Variants in NRG1 observed in about 807,000 individuals in gnomAD.
The protein encoded by NRG1 is neuregulin 1.
A neutral mutation model predicts 63.8 loss-of-function variants in NRG1; 18 were observed. The ratio of observed to expected loss-of-function variants is 0.28; its 90% CI spans 0.19 to 0.42. The LOEUF (loss-of-function observed/expected upper bound fraction) is 0.42. Among genes scored for constraint, NRG1 ranks in the 10% least tolerant of loss-of-function variants. NRG1 has a pLI of 1.00. For missense variants in NRG1, 762 were observed against 814.7 expected (o/e 0.94, Z 0.79); for synonymous variants, 302 against 301.3 (o/e 1.00, Z -0.02).
chr8:31,973,175 A>G (rs945761981), intron 1 of NRG1, among the ~76,000 whole-genome samples: 3 of 152,220 alleles, frequency 2.0e-5, no homozygotes, highest in Admixed American at 6.5e-5. Flanking sequence ...GCTTAAAAAT[A>G]TATACACACT....
chr8:32,063,059 A>G (rs1824151715), intron 1 of NRG1: 1 of 152,144 alleles, frequency 6.6e-6, no homozygotes. Context: ...AAAGATGTAA[A>G]TGTTCCTTAA....
chr8:32,216,737 T>G (rs890563885), intron 1 of NRG1, among the ~76,000 whole-genome samples: 6 of 151,116 alleles, frequency 4.0e-5, no homozygotes. Flanking sequence ...GATGACATTA[T>G]TGTGATATAT....
At chr8:31,893,093 G>A (rs1329462959) in intron 1 of NRG1, among the ~76,000 whole-genome samples, 1 of 151,264 alleles carries the variant, frequency 6.6e-6, no homozygotes, top group Non-Finnish European at 1.5e-5. Flanking sequence ...CTACGTATGA[G>A]AGTGTATGTA....
At chr8:32,057,932 G>A (rs1350985755) in intron 1 of NRG1, among the ~76,000 whole-genome samples, 3 of 152,056 alleles carry the variant, frequency 2.0e-5, no homozygotes, top group Non-Finnish European at 4.4e-5. Context: ...TGATAGATGA[G>A]TAGGGTGACT....
chr8:32,457,705 G>C (rs1587760418), intron 1 of NRG1, among the ~76,000 whole-genome samples: 1 of 152,200 alleles, frequency 6.6e-6, no homozygotes. Context: ...AAAGTAAGAG[G>C]CTTCATTAAA....
chr8:32,640,972 A>G (rs138125999), intron 5 of NRG1, among the ~76,000 whole-genome samples: 228 of 151,574 alleles, frequency 1.5e-3, no homozygotes, highest in African/African-American at 5.3e-3. Context: ...CAAAATAATA[A>G]TAATAATAGT....
intron 4 of NRG1, among the ~76,000 whole-genome samples, chr8:32,615,685 A>T (rs1847227753): frequency 6.6e-6 from 1 of 152,026 alleles, no homozygotes; most frequent in Non-Finnish European, 1.5e-5. Context: ...TTCCCTTCAA[A>T]GCCATTTTTT....
At chr8:31,986,159 T>C (rs750939727) in intron 1 of NRG1, among the ~76,000 whole-genome samples, 8 of 152,102 alleles carry the variant, frequency 5.3e-5, no homozygotes, top group Non-Finnish European at 2.9e-5. Context: ...CCCCTCATAA[T>C]ATGCATTCCA....
intron 1 of NRG1, among the ~76,000 whole-genome samples, chr8:32,401,719 C>T (rs62500162): frequency 0.24 from 36,955 of 151,912 alleles, 4,901 homozygotes; most frequent in Middle Eastern, 0.35. Context: ...GAACAACAGA[C>T]ACTGGGGTCT....
intron 1 of NRG1, among the ~76,000 whole-genome samples, chr8:32,312,204 C>T (rs554145675): frequency 7.8e-6 from 1 of 127,700 alleles, no homozygotes; most frequent in South Asian, 2.7e-4. Context: ...CTCACTGTCT[C>T]CCAGACTGGA....
chr8:32,766,101 G>T (rs143714085), exon 12 of NRG1: 2 of 151,948 alleles, frequency 1.3e-5, no homozygotes, highest in South Asian at 4.2e-4. Flanking sequence ...TCTTTTTTGC[G>T]GGTGAACTGA....
rs1406512941 is a variant in NRG1 at position 31,843,192 on chromosome 8, C to T, written c.37+203761C>T. On this transcript the variant is annotated intron_variant, in intron 1 of 10. Coordinates refer to the NRG1 transcript ENST00000519301. ...CATCTGTCCCATTAATTTTCATATA[C>T]GAGAACAATGTGGCATGATTACTCA... Among the ~76,000 whole-genome samples the T allele has an allele frequency of 4.6e-5, 7 of 152,078 alleles. No individual in the cohort carries two copies. In the East Asian group the frequency reaches 9.7e-4, roughly 21 times the overall value.
At chr8:32,383,578 C>T (rs1357368566) in intron 1 of NRG1, among the ~76,000 whole-genome samples, 1 of 152,168 alleles carries the variant, frequency 6.6e-6, no homozygotes, top group Non-Finnish European at 1.5e-5. Flanking sequence ...CCCCTGAGCT[C>T]CCACCCTTTT....
At chr8:32,452,185 A>G (rs941618678) in intron 1 of NRG1, among the ~76,000 whole-genome samples, 5 of 152,186 alleles carry the variant, frequency 3.3e-5, no homozygotes, top group Admixed American at 6.5e-5. Context: ...ACTGTCAACT[A>G]CAATGATAAT....
intron 5 of NRG1, among the ~76,000 whole-genome samples, chr8:32,676,304 A>C (rs1343535159): frequency 3.9e-5 from 6 of 152,190 alleles, no homozygotes; most frequent in Non-Finnish European, 8.8e-5. Flanking sequence ...ATGGACCACA[A>C]CAGGTGGCCA....
chr8:32,315,248 CT>C (rs1857252332), intron 1 of NRG1, among the ~76,000 whole-genome samples: 2 of 152,154 alleles, frequency 1.3e-5, no homozygotes, highest in South Asian at 4.1e-4. Flanking sequence ...GCCCACCCCC[CT>C]GACAGGTCCT....
At chr8:32,546,817 T>A (rs1252332790), upstream of NRG1, among the ~76,000 whole-genome samples, 1 of 152,144 alleles carries the variant, frequency 6.6e-6, no homozygotes, top group East Asian at 1.9e-4. Context: ...TAGAATAAAA[T>A]TAGTGTGATT....
At chr8:31,859,608 G>T (rs1304675447) in intron 1 of NRG1, among the ~76,000 whole-genome samples, 1 of 152,150 alleles carries the variant, frequency 6.6e-6, no homozygotes, top group Non-Finnish European at 1.5e-5. Context: ...AACTATTGAA[G>T]AATAAAACAG....
At chr8:31,979,114 G>A (rs934515294) in intron 1 of NRG1, among the ~76,000 whole-genome samples, 1 of 152,128 alleles carries the variant, frequency 6.6e-6, no homozygotes, top group Non-Finnish European at 1.5e-5. Context: ...TCCACCTGGG[G>A]TGTCTGCTGA....
Sources: gnomAD v4.1 joint callset for allele counts (sites outside exome capture counted in the v4.1 genomes callset) on GRCh38, gnomAD v4.1.1 for gene constraint, MANE v1.5 for transcripts, NCBI Gene and HGNC (gene_info 2026-07-23, HGNC 2026-07-21) for gene names.